FAM227A: variants seen among roughly 807,000 people sequenced by gnomAD.
FAM227A encodes the protein protein FAM227A.
In FAM227A, 80 loss-of-function variants were observed where a neutral mutation model predicts 74.7. That is an observed-to-expected ratio of 1.07 (90% CI 0.89 to 1.29). The LOEUF is 1.29. FAM227A is among the 50% of genes most tolerant of loss of function. The pLI is 0.00. For synonymous variants in FAM227A, 237 were observed against 241.8 expected (o/e 0.98, Z 0.19); for missense variants, 654 against 683.4 (o/e 0.96, Z 0.48).
intron 2 of FAM227A, among the ~76,000 whole-genome samples, chr22:38,648,344 T>A (rs529477737): frequency 6.7e-6 from 1 of 148,726 alleles, no homozygotes; most frequent in East Asian, 2.0e-4. Flanking sequence ...CAGTGGCTCA[T>A]GCCTGTAATC....
At chr22:38,608,126 C>T (rs1296410868) in intron 11 of FAM227A, among the ~76,000 whole-genome samples, 1 of 146,754 alleles carries the variant, frequency 6.8e-6, no homozygotes, top group African/African-American at 2.5e-5. Flanking sequence ...TCCCACCATC[C>T]TGGGCAACAT....
In FAM227A at chr22:38,579,997, T is replaced by C. The variant is rs2090692443; in HGVS notation, c.*6128A>G. ...GTGCAGTGGCATGATCATAGCTCACTGCACCCTCCAACTCCCAGGCTTAAG... is the reference window on the plus strand; with the variant it reads ...GTGCAGTGGCATGATCATAGCTCACCGCACCCTCCAACTCCCAGGCTTAAG... On this transcript the variant is annotated 3_prime_UTR_variant, in exon 17 of 17. Transcript: ENST00000535113. 1 of 152,138 alleles carries C rather than the reference T, an allele frequency of 6.6e-6. No homozygotes were observed. The highest frequency in any genetic ancestry group is 2.4e-5 in the African/African-American group (1 of 41,432). The allele number at this position is 152,138 out of a possible 1,614,324, so 9.4% of individuals were successfully genotyped here.
intron 2 of FAM227A, among the ~76,000 whole-genome samples, chr22:38,646,705 CATT>C (rs1321973277): frequency 1.3e-5 from 2 of 151,456 alleles, no homozygotes; most frequent in African/African-American, 4.9e-5. Context: ...CTCTTCCATT[CATT>C]ATTATGAGCA....
chr22:38,613,192 ATATAT>A lies in FAM227A; in HGVS notation c.1039-5721_1039-5717del, dbSNP rs557245329. 7.5e-3 allele frequency among the ~76,000 whole-genome samples: 622 copies of A among 83,368 alleles called. 4 individuals carry two copies. The highest frequency in any genetic ancestry group is 0.013 in the Admixed American group (65 of 4,822). 54.7% of individuals were successfully genotyped at this position (83,368 alleles called of 152,430 possible). ...TGTATATATATTATATATAATATAT[ATATAT>A]TATATTATATATATCTATGCTGTAT... is the stretch of plus-strand genomic sequence containing the variant. On this transcript the variant is annotated intron_variant, in intron 11 of 16. Transcript: ENST00000535113.
chr22:38,643,328 ATAGTG>A (rs2092157001), intron 3 of FAM227A, among the ~76,000 whole-genome samples: 1 of 135,032 alleles, frequency 7.4e-6, no homozygotes, highest in Non-Finnish European at 1.6e-5. Flanking sequence ...AAAAAAAAAA[ATAGTG>A]GGTGGGGGTT....
At chr22:38,604,757 G>T (rs753715789) in intron 13 of FAM227A, among the ~76,000 whole-genome samples, 1 of 152,116 alleles carries the variant, frequency 6.6e-6, no homozygotes, top group Non-Finnish European at 1.5e-5. Flanking sequence ...AGGTTCAAGC[G>T]ATTCTCCTGC....
intron 15 of FAM227A, among the ~76,000 whole-genome samples, chr22:38,591,747 C>T (rs55706642): frequency 0.044 from 6,757 of 152,150 alleles, 249 homozygotes; most frequent in East Asian, 0.11. Flanking sequence ...AACCAGCACT[C>T]GGATCGAGAA....
chr22:38,582,827 G>T lies in FAM227A; in HGVS notation c.*3298C>A. 1.3e-6 allele frequency: 2 copies of T among 1,549,802 alleles called. No homozygotes were observed. Among genetic ancestry groups the T allele is most frequent in the Non-Finnish European group, 1.7e-6 (2 of 1,146,882 alleles). On this transcript the variant is annotated 3_prime_UTR_variant, in exon 17 of 17. Transcript: ENST00000535113. Reference sequence around the variant, plus strand: ...CCATAATGGGATGGCACAGAATGCTGTTGGAGCATAATGCAGTGGAGCACT... The same window carrying T: ...CCATAATGGGATGGCACAGAATGCTTTTGGAGCATAATGCAGTGGAGCACT...
intron 1 of FAM227A, among the ~76,000 whole-genome samples, chr22:38,654,087 A>C (rs1313095281): frequency 1.3e-5 from 2 of 151,782 alleles, no homozygotes; most frequent in Non-Finnish European, 2.9e-5. Flanking sequence ...GGTGGCTCAC[A>C]CCTGTAATCC....
rs1385637078 is a variant in FAM227A at position 38,584,280 on chromosome 22, G to C, written c.*1845C>G. 1 of 152,024 alleles carries C rather than the reference G, an allele frequency of 6.6e-6. No homozygotes were observed. The highest frequency in any genetic ancestry group is 1.5e-5 in the Non-Finnish European group (1 of 68,032). 9.4% of individuals were successfully genotyped at this position (152,024 alleles called of 1,614,324 possible). A position where few individuals can be genotyped will look rare whatever the true frequency, so the allele number is the denominator to read the frequency against. On this transcript the variant is annotated 3_prime_UTR_variant, in exon 17 of 17. Transcript: ENST00000535113. ...AGGGATGGTACAGAATAGACATCTA[G>C]CAAATACCTAATCATCCCCCCCAAG...
intron 11 of FAM227A, among the ~76,000 whole-genome samples, chr22:38,610,579 C>A (rs1449862298): frequency 1.3e-5 from 2 of 152,132 alleles, no homozygotes; most frequent in Non-Finnish European, 2.9e-5. Flanking sequence ...AATGACCCAC[C>A]TTGCAGGGCT....
At chr22:38,625,596 T>C (rs1014752471) in intron 9 of FAM227A, among the ~76,000 whole-genome samples, 2 of 151,896 alleles carry the variant, frequency 1.3e-5, no homozygotes, top group African/African-American at 2.4e-5. Context: ...TGTTGAAACT[T>C]TGCTATCTTA....
intron 11 of FAM227A, among the ~76,000 whole-genome samples, chr22:38,609,400 T>G (rs779480507): frequency 6.6e-6 from 1 of 150,498 alleles, no homozygotes; most frequent in African/African-American, 2.5e-5. Flanking sequence ...AACTCATAGT[T>G]GGCCGCAAGT....
At chr22:38,655,215 A>C (rs929053774) in intron 1 of FAM227A, among the ~76,000 whole-genome samples, 1 of 152,086 alleles carries the variant, frequency 6.6e-6, no homozygotes, top group Non-Finnish European at 1.5e-5. Flanking sequence ...AACAGCCAAG[A>C]GTAAAATTTT....
rs890745276 is a variant in FAM227A at position 38,585,194 on chromosome 22, G to C, written c.*931C>G. The C allele has an allele frequency of 4.7e-4, 71 of 152,118 alleles. No homozygotes were observed. Among genetic ancestry groups the C allele is most frequent in the African/African-American group, 1.6e-3 (67 of 41,430 alleles). The allele number at this position is 152,118 out of a possible 1,614,324, so 9.4% of individuals were successfully genotyped here. ...TACTATTCCTTGTCTCATGAACTGG[G>C]AGTGACTAAATGTGTCCCTAGTTGC... On this transcript the variant is annotated 3_prime_UTR_variant, in exon 17 of 17. Transcript: ENST00000535113.
At chr22:38,627,873 G>C (rs1449838760) in intron 8 of FAM227A, among the ~76,000 whole-genome samples, 1 of 152,108 alleles carries the variant, frequency 6.6e-6, no homozygotes, top group Non-Finnish European at 1.5e-5. Flanking sequence ...CAAAGTGCTG[G>C]GATTACAGGT....
intron 3 of FAM227A, among the ~76,000 whole-genome samples, chr22:38,641,947 A>AGG (rs1436903259): frequency 4.5e-5 from 5 of 110,276 alleles, no homozygotes; most frequent in Non-Finnish European, 9.6e-5. Context: ...CCTCCCGAAA[A>AGG]GGTGTGTGTG....
chr22:38,643,012 C>T (rs1010226806), intron 3 of FAM227A, among the ~76,000 whole-genome samples: 1 of 151,024 alleles, frequency 6.6e-6, no homozygotes, highest in African/African-American at 2.4e-5. Flanking sequence ...AGAAAATAAC[C>T]TGATTTAAAA....
chr22:38,652,876 CAAAAAA>C (rs10554372), intron 1 of FAM227A, among the ~76,000 whole-genome samples: 2 of 90,384 alleles, frequency 2.2e-5, no homozygotes, highest in Non-Finnish European at 2.3e-5. Context: ...GACTCCATCT[CAAAAAA>C]AAAAAAAAAA....
Sources: gnomAD v4.1 joint callset for allele counts (sites outside exome capture counted in the v4.1 genomes callset) on GRCh38, gnomAD v4.1.1 for gene constraint, MANE v1.5 for transcripts, NCBI Gene and HGNC (gene_info 2026-07-23, HGNC 2026-07-21) for gene names.